MTUS2: variants seen among roughly 807,000 people sequenced by gnomAD.
MTUS2 encodes microtubule-associated tumor suppressor candidate 2.
A neutral mutation model predicts 114.1 loss-of-function variants in MTUS2; 40 were observed. That is an observed-to-expected ratio of 0.35 (90% CI 0.27 to 0.46). The LOEUF (loss-of-function observed/expected upper bound fraction) is 0.46, where lower values mean the gene tolerates loss of function less well. Ranked by LOEUF, MTUS2 falls within the 20% of genes least tolerant of loss-of-function variation. The probability of loss-of-function intolerance (pLI) is 1.00; values close to 1 mark genes in which losing one functional copy is unlikely to be tolerated. For synonymous variants in MTUS2, 688 were observed against 672.0 expected (o/e 1.02, Z -0.37); for missense variants, 1,679 against 1,705.4 (o/e 0.98, Z 0.27).
At chr13:29,368,096 AC>A (rs1593357624) in intron 8 of MTUS2, among the ~76,000 whole-genome samples, 2 of 151,674 alleles carry the variant, frequency 1.3e-5, no homozygotes, top group East Asian at 3.9e-4. Context: ...CTGCCACCGC[AC>A]CCGGCTAATT....
At chr13:29,145,382 T>C (rs9579295) in intron 5 of MTUS2, among the ~76,000 whole-genome samples, 60,809 of 151,370 alleles carry the variant, frequency 0.4, 13,856 homozygotes, top group Non-Finnish European at 0.48. Context: ...GAGCCGGGCA[T>C]GTTGGTGGGC....
intron 5 of MTUS2, chr13:29,250,590 C>T (rs1413515331): frequency 6.6e-6 from 1 of 151,430 alleles, no homozygotes; most frequent in East Asian, 1.9e-4. Flanking sequence ...CTGAGTATCA[C>T]ACCGTAAAAG....
intron 1 of MTUS2, among the ~76,000 whole-genome samples, chr13:28,836,474 C>A (rs1350487634): frequency 6.6e-6 from 1 of 152,172 alleles, no homozygotes. Flanking sequence ...CATCTGTTCT[C>A]AAAAAATCAT....
chr13:29,441,659 C>A (rs879304300), intron 9 of MTUS2, among the ~76,000 whole-genome samples: 1 of 152,106 alleles, frequency 6.6e-6, no homozygotes, highest in Non-Finnish European at 1.5e-5. Context: ...CACTGGTGAC[C>A]CTGCCCAATG....
chr13:29,181,041 A>T (rs1893981705), intron 5 of MTUS2, among the ~76,000 whole-genome samples: 1 of 152,204 alleles, frequency 6.6e-6, no homozygotes, highest in Non-Finnish European at 1.5e-5. Flanking sequence ...AAGGTGTTAA[A>T]ATCTTCCAGA....
In MTUS2 at chr13:29,025,368, G is replaced by T. The variant is rs750645094; in HGVS notation, c.670G>T (p.Ala224Ser). Residue 224 changes from alanine (A) to serine (S), a missense_variant, in exon 3 of 16, where the codon GCT (alanine) becomes TCT (serine). Around this residue, in one of 3 missense-constraint regions of MTUS2, gnomAD observed 843 missense variants for 770.8 expected, o/e 1.09. Transcript: ENST00000612955. ...EGPQKTLPDH[A>S]VPAAFPATDS... ...GCCACAGAAGACATTGCCAGACCAC[G>T]CTGTCCCGGCAGCTTTCCCTGCAAC... The T allele has an allele frequency of 2.5e-6, 4 of 1,613,790 alleles. No individual in the cohort carries two copies. Among genetic ancestry groups the T allele is most frequent in the Non-Finnish European group, 3.4e-6 (4 of 1,179,876 alleles).
At chr13:28,902,222 A>T (rs1239586112) in intron 2 of MTUS2, among the ~76,000 whole-genome samples, 3 of 152,206 alleles carry the variant, frequency 2.0e-5, no homozygotes, top group Admixed American at 2.0e-4. Context: ...AGGAGATTTT[A>T]AAAAATAGTT....
At chr13:28,864,003 T>G (rs578087338) in intron 2 of MTUS2, among the ~76,000 whole-genome samples, 2 of 152,300 alleles carry the variant, frequency 1.3e-5, no homozygotes, top group African/African-American at 4.8e-5. Context: ...GCCCCAGATG[T>G]GTTTTAATAT....
chr13:29,390,329 G>C (rs1215472815), intron 8 of MTUS2, among the ~76,000 whole-genome samples: 1 of 151,996 alleles, frequency 6.6e-6, no homozygotes, highest in African/African-American at 2.4e-5. Flanking sequence ...TGGAAGAAAA[G>C]TGGATTTGTA....
chr13:28,930,057 G>A (rs1055106734), intron 2 of MTUS2, among the ~76,000 whole-genome samples: 5 of 152,058 alleles, frequency 3.3e-5, no homozygotes, highest in African/African-American at 1.2e-4. Context: ...ATTTCCAAAG[G>A]TCTGGCTCAG....
chr13:29,248,987 CGTTT>C (rs1296898618), intron 5 of MTUS2, among the ~76,000 whole-genome samples: 1 of 151,808 alleles, frequency 6.6e-6, no homozygotes, highest in Non-Finnish European at 1.5e-5. Context: ...TTCGTTTGTT[CGTTT>C]GTTCTTTCTT....
chr13:28,998,475 G>A lies in MTUS2; in HGVS notation c.-242-25982G>A, dbSNP rs187637729. The stretch of plus-strand genomic sequence containing the variant: ...TGGGGAAGTTCTCCTGGATAATGTC[G>A]TGCAGAGTGTTTTCCAACTTGGTTC... On this transcript the variant is annotated intron_variant, in intron 2 of 15. Coordinates refer to ENST00000612955, the MANE Select transcript of MTUS2 (RefSeq NM_001033602.4). Among the ~76,000 whole-genome samples, 355 of 152,260 alleles carry A rather than the reference G, an allele frequency of 2.3e-3. 6 individuals are homozygous for A. The South Asian group carries it at 0.036, about 15-fold the overall frequency.
chr13:28,904,930 T>G (rs1282609587), intron 2 of MTUS2, among the ~76,000 whole-genome samples: 1 of 151,656 alleles, frequency 6.6e-6, no homozygotes, highest in Non-Finnish European at 1.5e-5. Context: ...TTTATTTCAT[T>G]GAGCAGTGGT....
At chr13:28,866,238 A>G (rs1877290275) in intron 2 of MTUS2, among the ~76,000 whole-genome samples, 1 of 152,120 alleles carries the variant, frequency 6.6e-6, no homozygotes, top group Admixed American at 6.5e-5. Flanking sequence ...TTACTGCACT[A>G]TCTCGTTGTT....
chr13:29,122,412 T>G (rs573186105), intron 5 of MTUS2, among the ~76,000 whole-genome samples: 2 of 152,230 alleles, frequency 1.3e-5, no homozygotes, highest in South Asian at 4.2e-4. Flanking sequence ...ACCGCCTCTT[T>G]CACATGGAGG....
intron 6 of MTUS2, among the ~76,000 whole-genome samples, chr13:29,319,253 A>C (rs1900149735): frequency 6.6e-6 from 1 of 152,204 alleles, no homozygotes; most frequent in Non-Finnish European, 1.5e-5. Context: ...AGAAAGCAAA[A>C]GGGCAGAGGG....
intron 2 of MTUS2, among the ~76,000 whole-genome samples, chr13:28,929,966 A>C (rs1881527075): frequency 6.6e-6 from 1 of 152,152 alleles, no homozygotes. Context: ...CTGAGGCTGC[A>C]AGGAGGGAAA....
chr13:29,433,902 A>T (rs1266370647), intron 8 of MTUS2, among the ~76,000 whole-genome samples: 2 of 152,210 alleles, frequency 1.3e-5, no homozygotes, highest in African/African-American at 4.8e-5. Context: ...TCACAATTTT[A>T]AAAGATCTGG....
chr13:29,426,484 T>C (rs2388079), intron 8 of MTUS2, among the ~76,000 whole-genome samples: 33,911 of 152,122 alleles, frequency 0.22, 4,287 homozygotes, highest in East Asian at 0.5. Context: ...ATCCAGAATT[T>C]TTCATCTTCT....
Sources: gnomAD v4.1 joint callset for allele counts (sites outside exome capture counted in the v4.1 genomes callset) on GRCh38, gnomAD v4.1.1 for gene constraint, gnomAD v4.1.1 regional missense constraint, MANE v1.5 for transcripts, NCBI Gene and HGNC (gene_info 2026-07-23, HGNC 2026-07-21) for gene names.